The following FHIT variants were observed in gnomAD, a reference collection of about 807,000 sequenced individuals.
FHIT encodes the protein fragile histidine triad diadenosine triphosphatase.
FHIT carries 19 observed loss-of-function variants against 17.9 expected under a neutral mutation model. The observed-to-expected ratio is 1.06, with a 90% CI of 0.74 to 1.56. FHIT has a LOEUF of 1.56. Ranked by LOEUF, FHIT falls within the 40% of genes most tolerant of loss-of-function variation. The pLI, the probability that FHIT is intolerant of heterozygous loss-of-function variation, is 0.00. For synonymous variants in FHIT, 81 were observed against 69.7 expected (o/e 1.16, Z -0.81); for missense variants, 248 against 189.2 (o/e 1.31, Z -1.82).
intron 5 of FHIT, among the ~76,000 whole-genome samples, chr3:60,423,444 T>C (rs918997293): frequency 5.9e-5 from 9 of 152,152 alleles, no homozygotes; most frequent in Non-Finnish European, 8.8e-5. Context: ...GTCTAAAGCA[T>C]GCTTATATAA....
At chr3:60,375,574 G>C (rs888843110) in intron 5 of FHIT, among the ~76,000 whole-genome samples, 1 of 152,066 alleles carries the variant, frequency 6.6e-6, no homozygotes, top group Admixed American at 6.5e-5. Flanking sequence ...GTGAGACTCT[G>C]TCTCAAAAAA....
intron 4 of FHIT, among the ~76,000 whole-genome samples, chr3:60,590,362 A>AC (rs1239563163): frequency 6.6e-6 from 1 of 151,994 alleles, no homozygotes; most frequent in East Asian, 1.9e-4. Flanking sequence ...GCAAACTAGA[A>AC]CCCCTCCTTG....
At chr3:61,130,384 C>T (rs918902931) in intron 2 of FHIT, among the ~76,000 whole-genome samples, 1 of 152,156 alleles carries the variant, frequency 6.6e-6, no homozygotes, top group Non-Finnish European at 1.5e-5. Flanking sequence ...TTAACTTGTA[C>T]AAAATTCCCA....
At chr3:60,124,043 G>GAGAGAC (rs1705418866) in intron 5 of FHIT, among the ~76,000 whole-genome samples, 1 of 115,500 alleles carries the variant, frequency 8.7e-6, no homozygotes, top group African/African-American at 3.3e-5. Flanking sequence ...GAGAGAGAGA[G>GAGAGAC]AGAGAGAGAG....
At chr3:60,988,021 G>A (rs181597761) in intron 3 of FHIT, among the ~76,000 whole-genome samples, 6 of 152,152 alleles carry the variant, frequency 3.9e-5, no homozygotes, top group African/African-American at 1.4e-4. Context: ...GAAATTGTAT[G>A]ATGTGCTTTG....
chr3:60,795,985 G>C (rs782684050), intron 4 of FHIT, among the ~76,000 whole-genome samples: 1 of 152,188 alleles, frequency 6.6e-6, no homozygotes, highest in Non-Finnish European at 1.5e-5. Context: ...TGACAGGGGA[G>C]GCCTCAGAAT....
At chr3:60,122,685 TTG>T (rs1271557715) in intron 5 of FHIT, among the ~76,000 whole-genome samples, 10 of 152,252 alleles carry the variant, frequency 6.6e-5, no homozygotes, top group African/African-American at 2.4e-4. Flanking sequence ...TCTAGAAACT[TTG>T]GCTGGGGAGA....
At position 59,907,971 on chromosome 3, in the gene FHIT, T is replaced by C. The variant is rs191721494; in HGVS notation, c.348+14375A>G. On this transcript the variant is annotated intron_variant, in intron 8 of 9. Coordinates refer to ENST00000492590, the MANE Select transcript of FHIT (RefSeq NM_002012.4). ...TATTGCATCACTCTGACACTACTTATTTTGCCTCTCTCTTCCACCTCTGTG... is the reference window on the plus strand; with the variant it reads ...TATTGCATCACTCTGACACTACTTACTTTGCCTCTCTCTTCCACCTCTGTG... Among the ~76,000 whole-genome samples the C allele has an allele frequency of 1.1e-4, 16 of 152,352 alleles. No individual in the cohort carries two copies. The South Asian group carries it at 2.1e-3, about 20-fold the overall frequency.
intron 4 of FHIT, among the ~76,000 whole-genome samples, chr3:60,650,140 T>G (rs750671437): frequency 7.2e-5 from 11 of 152,246 alleles, no homozygotes; most frequent in Non-Finnish European, 1.6e-4. Context: ...GGGCTTGTGG[T>G]ACCTCTGTTG....
At chr3:60,312,519 G>A (rs1708993195) in intron 5 of FHIT, among the ~76,000 whole-genome samples, 1 of 152,066 alleles carries the variant, frequency 6.6e-6, no homozygotes. Flanking sequence ...AAAACCAGTG[G>A]TCATTCTACC....
At chr3:60,298,712 A>G (rs1708319565) in intron 5 of FHIT, among the ~76,000 whole-genome samples, 1 of 152,178 alleles carries the variant, frequency 6.6e-6, no homozygotes, top group African/African-American at 2.4e-5. Flanking sequence ...GTGGGAATTG[A>G]TATGATCATG....
At chr3:61,156,512 C>T (rs2037538418) in intron 2 of FHIT, among the ~76,000 whole-genome samples, 1 of 151,842 alleles carries the variant, frequency 6.6e-6, no homozygotes, top group Non-Finnish European at 1.5e-5. Flanking sequence ...ACCCAAAGTC[C>T]CTGAGACAGG....
At chr3:60,048,433 C>G (rs547920439) in intron 5 of FHIT, among the ~76,000 whole-genome samples, 3 of 152,302 alleles carry the variant, frequency 2.0e-5, no homozygotes, top group African/African-American at 7.2e-5. Context: ...GCCTCGGCCT[C>G]CCAGAGTGCT....
intron 5 of FHIT, among the ~76,000 whole-genome samples, chr3:60,476,533 G>C (rs2033352041): frequency 6.6e-6 from 1 of 152,284 alleles, no homozygotes; most frequent in East Asian, 1.9e-4. Context: ...TATAGGGAGG[G>C]GTAAGCAAGG....
chr3:60,473,914 C>T (rs951943458), intron 5 of FHIT, among the ~76,000 whole-genome samples: 6 of 139,320 alleles, frequency 4.3e-5, no homozygotes, highest in Non-Finnish European at 9.3e-5. Context: ...CAGAGCGAGA[C>T]TCCATTTCCA....
Position 59,749,363 on chromosome 3 carries a change from G to T in FHIT, c.*222C>A. On this transcript the variant is annotated 3_prime_UTR_variant, in exon 10 of 10. Coordinates refer to ENST00000492590, the MANE Select transcript of FHIT (RefSeq NM_002012.4). ...AGGCTGCCGAATAAGGAGACAGGGG[G>T]AAACCTCAAATCTGCCTGTCTGAGC... 8.6e-6 allele frequency: 2 copies of T among 231,776 alleles called. No individual in the cohort carries two copies. The highest frequency in any genetic ancestry group is 1.7e-5 in the Non-Finnish European group (2 of 117,176). The allele number at this position is 231,776 out of a possible 1,614,324, so 14.4% of individuals were successfully genotyped here. A position where few individuals can be genotyped will look rare whatever the true frequency, so the allele number is the denominator to read the frequency against.
At chr3:60,731,450 T>C (rs782316663) in intron 4 of FHIT, among the ~76,000 whole-genome samples, 3 of 152,186 alleles carry the variant, frequency 2.0e-5, no homozygotes, top group Non-Finnish European at 4.4e-5. Flanking sequence ...TTTGACCTTT[T>C]GACTTGGGGT....
chr3:61,125,522 G>T (rs6445194), intron 2 of FHIT, among the ~76,000 whole-genome samples: 66,386 of 151,994 alleles, frequency 0.44, 15,023 homozygotes, highest in Middle Eastern at 0.53. Context: ...CAGGCAGGTA[G>T]CAGGAACTCT....
chr3:60,702,047 C>A (rs1256402815), intron 4 of FHIT, among the ~76,000 whole-genome samples: 1 of 152,116 alleles, frequency 6.6e-6, no homozygotes, highest in Admixed American at 6.6e-5. Flanking sequence ...ATATTTTATA[C>A]AGACAGGGTT....
Sources: allele counts gnomAD v4.1 joint callset (sites outside exome capture counted in the v4.1 genomes callset), GRCh38; gene constraint gnomAD v4.1.1; transcripts MANE v1.5; gene names NCBI Gene and HGNC (gene_info 2026-07-23, HGNC 2026-07-21).